The following ATP13A4 variants were observed in gnomAD, a reference collection of about 807,000 sequenced individuals.
ATP13A4 encodes probable cation-transporting ATPase 13A4.
In ATP13A4, 114 loss-of-function variants were observed where a neutral mutation model predicts 142.5. The ratio of observed to expected loss-of-function variants is 0.80; its 90% CI spans 0.69 to 0.93. ATP13A4 has a LOEUF of 0.93. Ranked by LOEUF, ATP13A4 falls within the 40% of genes least tolerant of loss-of-function variation. The pLI is 0.00. For synonymous variants in ATP13A4, 488 were observed against 514.8 expected (o/e 0.95, Z 0.70); for missense variants, 1,392 against 1,454.0 (o/e 0.96, Z 0.69).
At chr3:193,577,665 C>T (rs191279975) in intron 2 of ATP13A4, among the ~76,000 whole-genome samples, 139 of 152,348 alleles carry the variant, frequency 9.1e-4, no homozygotes, top group African/African-American at 3.1e-3. Flanking sequence ...TATAGTGGAA[C>T]TGGAAGCTCT....
chr3:193,543,291 T>G (rs1560272074), intron 1 of ATP13A4, among the ~76,000 whole-genome samples: 1 of 152,128 alleles, frequency 6.6e-6, no homozygotes, highest in Non-Finnish European at 1.5e-5. Flanking sequence ...AAATGGGATC[T>G]AATTAAGCTA....
chr3:193,522,702 A>G (rs868645778), intron 1 of ATP13A4, among the ~76,000 whole-genome samples: 8 of 152,308 alleles, frequency 5.3e-5, no homozygotes, highest in Middle Eastern at 6.8e-3. Context: ...ACAGGTTCGT[A>G]GGTTCCCCTT....
intron 7 of ATP13A4, among the ~76,000 whole-genome samples, chr3:193,485,888 C>T (rs1181336667): frequency 6.7e-6 from 1 of 150,368 alleles, no homozygotes; most frequent in South Asian, 2.1e-4. Flanking sequence ...TTTCCAGCCT[C>T]CATAACTAAA....
intron 2 of ATP13A4, among the ~76,000 whole-genome samples, chr3:193,510,080 T>A (rs1382103681): frequency 6.6e-6 from 1 of 152,112 alleles, no homozygotes. Flanking sequence ...CTTGTTCCAG[T>A]AGAAAGTGGT....
intron 3 of ATP13A4, among the ~76,000 whole-genome samples, chr3:193,495,399 T>A (rs950190543): frequency 6.6e-6 from 1 of 152,158 alleles, no homozygotes; most frequent in Non-Finnish European, 1.5e-5. Context: ...CATGATCAAG[T>A]GGAATTCATC....
intron 2 of ATP13A4, among the ~76,000 whole-genome samples, chr3:193,506,182 T>C (rs1720852145): frequency 6.6e-6 from 1 of 152,220 alleles, no homozygotes; most frequent in Non-Finnish European, 1.5e-5. Flanking sequence ...TGGCTTCTTC[T>C]ACTTTAGTCT....
At chr3:193,469,178 A>G (rs992000168) in intron 9 of ATP13A4, among the ~76,000 whole-genome samples, 5 of 152,212 alleles carry the variant, frequency 3.3e-5, no homozygotes, top group Admixed American at 1.3e-4. Flanking sequence ...GAGATGGAGG[A>G]AGAGGAGCAG....
chr3:193,554,949 C>T, upstream of ATP13A4: 1 of 1,585,428 alleles, frequency 6.3e-7, no homozygotes, highest in Non-Finnish European at 8.6e-7. Context: ...CACACCTTCT[C>T]TCAACAAATG....
rs1335784153 is a variant in ATP13A4 at position 193,402,895 on chromosome 3, C to T, written c.3379-31G>A. The T allele has an allele frequency of 5.6e-6, 9 of 1,599,664 alleles. 1 individual carries two copies. In the Middle Eastern group the frequency reaches 7.4e-4, roughly 131 times the overall value. On this transcript the variant is annotated intron_variant, in intron 29 of 29. Transcript: ENST00000342695. Reference sequence around the variant, plus strand: ...AAATAAAATAATTACTTTTTACAAGCAAGGGTTGAGTGTTTTGAGGCTACA... The same window carrying T: ...AAATAAAATAATTACTTTTTACAAGTAAGGGTTGAGTGTTTTGAGGCTACA...
intron 8 of ATP13A4, among the ~76,000 whole-genome samples, chr3:193,475,987 A>G (rs1273242719): frequency 6.6e-6 from 1 of 152,072 alleles, no homozygotes; most frequent in African/African-American, 2.4e-5. Context: ...TTGGGTATAG[A>G]GAAAAGAGAA....
intron 2 of ATP13A4, among the ~76,000 whole-genome samples, chr3:193,503,541 G>T (rs1387503953): frequency 6.6e-6 from 1 of 152,180 alleles, no homozygotes; most frequent in East Asian, 1.9e-4. Context: ...GGAAAAATTT[G>T]ATGCTTGGGA....
chr3:193,538,009 G>A (rs557564312), intron 1 of ATP13A4, among the ~76,000 whole-genome samples: 9 of 152,178 alleles, frequency 5.9e-5, no homozygotes, highest in East Asian at 5.8e-4. Flanking sequence ...GTTTCCTCGC[G>A]GTGATGGAAA....
At chr3:193,419,717 C>A (rs1715312970) in intron 25 of ATP13A4, among the ~76,000 whole-genome samples, 1 of 150,144 alleles carries the variant, frequency 6.7e-6, no homozygotes, top group African/African-American at 2.4e-5. Flanking sequence ...ACATCCCTTC[C>A]CCCAACAGGA....
chr3:193,573,473 T>C (rs114880840), intron 2 of ATP13A4, among the ~76,000 whole-genome samples: 266 of 151,876 alleles, frequency 1.8e-3, no homozygotes, highest in Non-Finnish European at 3.2e-3. Context: ...CCACAGGCAA[T>C]TGGGAGTGTG....
At chr3:193,454,999 C>T (rs540974186) in intron 16 of ATP13A4, among the ~76,000 whole-genome samples, 2 of 152,132 alleles carry the variant, frequency 1.3e-5, no homozygotes, top group East Asian at 3.9e-4. Flanking sequence ...CTATAAGGAA[C>T]TTAAAGAACA....
At chr3:193,520,320 G>T (rs1418082907) in intron 1 of ATP13A4, among the ~76,000 whole-genome samples, 2 of 152,160 alleles carry the variant, frequency 1.3e-5, no homozygotes, top group Non-Finnish European at 1.5e-5. Flanking sequence ...TCCACTGAGG[G>T]GAGGAAGGAG....
chr3:193,554,665 T>C (rs564164398), intron 1 of ATP13A4, 75 bp downstream of exon 1: 67 of 949,916 alleles, frequency 7.1e-5, no homozygotes, highest in African/African-American at 1.0e-4. Context: ...TGTGTGTGTG[T>C]GTGTGTGTGT....
At chr3:193,549,417 AATAT>A (rs10540639) in intron 1 of ATP13A4, among the ~76,000 whole-genome samples, 46,624 of 147,592 alleles carry the variant, frequency 0.32, 7,394 homozygotes, top group South Asian at 0.44. Flanking sequence ...ATAATTATCA[AATAT>A]ATATATATAT....
At chr3:193,481,239 AC>A (rs1719275200) in intron 8 of ATP13A4, among the ~76,000 whole-genome samples, 1 of 152,206 alleles carries the variant, frequency 6.6e-6, no homozygotes, top group African/African-American at 2.4e-5. Flanking sequence ...TTATTCATAT[AC>A]CAAAATAAAT....
Sources: allele counts gnomAD v4.1 joint callset (sites outside exome capture counted in the v4.1 genomes callset), GRCh38; gene constraint gnomAD v4.1.1; transcripts MANE v1.5; gene names NCBI Gene and HGNC (gene_info 2026-07-23, HGNC 2026-07-21).